The following SERPINA10 variants were observed in gnomAD, a reference collection of about 807,000 sequenced individuals.
SERPINA10 encodes protein Z-dependent protease inhibitor.
A neutral mutation model predicts 28.0 loss-of-function variants in SERPINA10; 24 were observed. The ratio of observed to expected loss-of-function variants is 0.86; its 90% CI spans 0.62 to 1.20. SERPINA10 has a LOEUF of 1.20. SERPINA10 is among the 50% of genes most tolerant of loss of function. SERPINA10 has a pLI of 0.00. For synonymous variants in SERPINA10, 207 were observed against 203.9 expected (o/e 1.02, Z -0.13); for missense variants, 521 against 537.7 (o/e 0.97, Z 0.31).
chr14:94,289,934 C>T lies in SERPINA10; in HGVS notation c.660G>A (p.Leu220=). Reference sequence around the variant, plus strand: ...TGGTTTCAGGATTAATCTCATCAAACAGTTTGGGAATTTTCCCCCGAGTCT... The same window carrying T: ...TGGTTTCAGGATTAATCTCATCAAATAGTTTGGGAATTTTCCCCCGAGTCT... ...NKETRGKIPK[L]FDEINPETKL... Residue 220 remains leucine (L), a synonymous_variant, in exon 2 of 5, where the codon CTG becomes CTA. Transcript: ENST00000261994. 6.2e-7 allele frequency: 1 copy of T among 1,614,096 alleles called. No individual in the cohort carries two copies. The highest frequency in any genetic ancestry group is 2.2e-5 in the East Asian group (1 of 44,876).
intron 1 of SERPINA10, among the ~76,000 whole-genome samples, chr14:94,292,254 G>A (rs1895196585): frequency 1.3e-5 from 2 of 152,142 alleles, no homozygotes; most frequent in South Asian, 4.1e-4. Flanking sequence ...GCTGTCATAA[G>A]AAGAGAGCAG....
In SERPINA10 at chr14:94,284,138, T is replaced by C. The variant is rs773811944; in HGVS notation, c.1162A>G (p.Ile388Val). The C allele has an allele frequency of 3.1e-6, 5 of 1,614,044 alleles. No homozygotes were observed. Among genetic ancestry groups the C allele is most frequent in the Non-Finnish European group, 4.2e-6 (5 of 1,179,992 alleles). The stretch of plus-strand genomic sequence containing the variant: ...TCAGTGCCCCTTTCATCAACTTCAA[T>C]CACTGTTCTTTGTAAAACCTGGAAA... ...QVSRVLQRTVIEVDERGTEAV... is the reference protein window; with the variant it reads ...QVSRVLQRTVVEVDERGTEAV... Residue 388 changes from isoleucine (I) to valine (V), a missense_variant, in exon 5 of 5, where the codon ATT becomes GTT. Physicochemically the swap from Ile to Val is conservative, Grantham distance 29. Coordinates refer to ENST00000261994, the MANE Select transcript of SERPINA10 (RefSeq NM_001100607.3).
At position 94,289,891 on chromosome 14, in the gene SERPINA10, A is replaced by G; in HGVS notation, c.703T>C (p.Tyr235His). 2 of 1,614,140 alleles carry G rather than the reference A, an allele frequency of 1.2e-6. No individual in the cohort carries two copies. Among genetic ancestry groups the G allele is most frequent in the Non-Finnish European group, 1.7e-6 (2 of 1,179,990 alleles). Reference sequence around the variant, plus strand: ...ATCAAAGTACCTTTGAACAAGATGTAATCCACAAGAATTAATTTGGTTTCA... The same window carrying G: ...ATCAAAGTACCTTTGAACAAGATGTGATCCACAAGAATTAATTTGGTTTCA... Reference protein sequence around the residue: ...NPETKLILVDYILFKGKWLTP... With the variant: ...NPETKLILVDHILFKGKWLTP... The change falls in exon 2 of 5, where the codon TAC becomes CAC. Residue 235 changes from tyrosine (Y) to histidine (H), a missense_variant. Physicochemically the swap from Tyr to His is moderately conservative, Grantham distance 83. Coordinates refer to ENST00000261994, the MANE Select transcript of SERPINA10 (RefSeq NM_001100607.3).
chr14:94,291,752 C>T (rs375863394), intron 1 of SERPINA10, among the ~76,000 whole-genome samples: 26 of 152,302 alleles, frequency 1.7e-4, no homozygotes, highest in African/African-American at 5.3e-4. Context: ...AGGTCACCTG[C>T]GGCAAAATGT....
intron 3 of SERPINA10, 24 bp downstream of exon 3, chr14:94,288,262 A>T (rs1472907585): frequency 3.7e-6 from 6 of 1,612,676 alleles, no homozygotes; most frequent in Non-Finnish European, 3.4e-6. Flanking sequence ...TAGAGTTTGT[A>T]TAGGGTGTGG....
intron 1 of SERPINA10, among the ~76,000 whole-genome samples, chr14:94,291,366 G>C (rs1895175461): frequency 6.6e-6 from 1 of 152,168 alleles, no homozygotes; most frequent in Admixed American, 6.5e-5. Context: ...ACTGTCCTAG[G>C]CTGCAGTGTG....
chr14:94,291,807 A>C, intron 1 of SERPINA10, among the ~76,000 whole-genome samples: 1 of 152,362 alleles, frequency 6.6e-6, no homozygotes, highest in African/African-American at 2.4e-5. Context: ...GCAGGGGCTG[A>C]GTCCTTATCT....
intron 2 of SERPINA10, among the ~76,000 whole-genome samples, 165 bp downstream of exon 2, chr14:94,289,711 C>T (rs1479796185): frequency 6.6e-6 from 1 of 152,208 alleles, no homozygotes; most frequent in Non-Finnish European, 1.5e-5. Flanking sequence ...CCTCAAATGA[C>T]AGCGTCTGGC....
rs1012621679 is a variant in SERPINA10, at chr14:94,282,085, T to C, written c.*1880A>G. On this transcript the variant is annotated 3_prime_UTR_variant, in exon 5 of 5. Coordinates refer to ENST00000261994, the MANE Select transcript of SERPINA10 (RefSeq NM_001100607.3). ...CTTCATAAGTGTCAATTAGTACTCT[T>C]GGAATGAATACAGGAATGAATTTTA... is the stretch of plus-strand genomic sequence containing the variant. 6.6e-6 allele frequency: 1 copy of C among 152,482 alleles called. No homozygotes were observed. The highest frequency in any genetic ancestry group is 2.4e-5 in the African/African-American group (1 of 41,422). The allele number at this position is 152,482 out of a possible 1,614,324, so 9.4% of individuals were successfully genotyped here. A position where few individuals can be genotyped will look rare whatever the true frequency, so the allele number is the denominator to read the frequency against.
intron 1 of SERPINA10, among the ~76,000 whole-genome samples, chr14:94,291,095 TTGGC>T (rs1214260065): frequency 6.6e-6 from 1 of 152,214 alleles, no homozygotes; most frequent in Non-Finnish European, 1.5e-5. Flanking sequence ...AGTGCCCTGT[TTGGC>T]TGGGGATTGG....
chr14:94,292,153 C>G (rs1440895048), intron 1 of SERPINA10, among the ~76,000 whole-genome samples: 2 of 152,180 alleles, frequency 1.3e-5, no homozygotes, highest in African/African-American at 4.8e-5. Context: ...AAGCCCGAAC[C>G]ACCATTGTGA....
Position 94,290,241 on chromosome 14 carries a change from C to A in SERPINA10, c.353G>T (p.Gly118Val). 1 of 1,614,040 alleles carries A rather than the reference C, an allele frequency of 6.2e-7. No individual in the cohort carries two copies. Among genetic ancestry groups the A allele is most frequent in the Non-Finnish European group, 8.5e-7 (1 of 1,179,912 alleles). Reference sequence around the variant, plus strand: ...TCTCTTGATCTGGGTTTCAGTCGGCCCTGTGGCCCCCAGCATCAAGCCTGT... The same window carrying A: ...TCTCTTGATCTGGGTTTCAGTCGGCACTGTGGCCCCCAGCATCAAGCCTGT... ...AMTGLMLGAT[G>V]PTETQIKRGL... The change falls in exon 2 of 5, where the codon GGG becomes GTG. Residue 118 changes from glycine to valine, a missense_variant. Gly to Val is a moderately radical substitution (Grantham distance 109). Coordinates refer to ENST00000261994, the MANE Select transcript of SERPINA10 (RefSeq NM_001100607.3).
intron 3 of SERPINA10, among the ~76,000 whole-genome samples, chr14:94,287,472 C>A (rs982089588): frequency 1.3e-5 from 2 of 152,224 alleles, no homozygotes; most frequent in Non-Finnish European, 2.9e-5. Context: ...ACTACCACCA[C>A]CGCAGTCCAG....
Position 94,283,513 on chromosome 14 carries a change from C to A in SERPINA10, c.*452G>T. The A allele has an allele frequency of 4.8e-6, 1 of 209,516 alleles. No homozygotes were observed. Among genetic ancestry groups the A allele is most frequent in the Non-Finnish European group, 9.6e-6 (1 of 103,862 alleles). The allele number at this position is 209,516 out of a possible 1,614,324, so 13.0% of individuals were successfully genotyped here. ...GAATCTTGCATTGTCCTGCTCTGTCCCACCCAGGATGTGAATTCTCCCCTT... is the reference window on the plus strand; with the variant it reads ...GAATCTTGCATTGTCCTGCTCTGTCACACCCAGGATGTGAATTCTCCCCTT... On this transcript the variant is annotated 3_prime_UTR_variant, in exon 5 of 5. Coordinates refer to ENST00000261994, the MANE Select transcript of SERPINA10 (RefSeq NM_001100607.3).
chr14:94,291,497 C>A (rs535359780), intron 1 of SERPINA10, among the ~76,000 whole-genome samples: 1 of 152,262 alleles, frequency 6.6e-6, no homozygotes, highest in African/African-American at 2.4e-5. Context: ...AAATACATGG[C>A]TTGGGACTGG....
chr14:94,290,068 C>A lies in SERPINA10; in HGVS notation c.526G>T (p.Glu176Ter). Residue 176 changes from glutamate (E) to a stop codon, truncating the protein, a stop_gained, in exon 2 of 5, where the codon GAG (glutamate) becomes TAG (stop). Transcript: ENST00000261994. LOFTEE classifies it high-confidence loss of function. Reference sequence around the variant, plus strand: ...CTCTTGGATAAATTGAAGAAAGTCTCTTTGACATCAAAATCCTTGTGGATG... The same window carrying A: ...CTCTTGGATAAATTGAAGAAAGTCTATTTGACATCAAAATCCTTGTGGATG... ...AFIHKDFDVKETFFNLSKRYF... is the reference protein window; with the variant it reads ...AFIHKDFDVK The A allele has an allele frequency of 6.2e-7, 1 of 1,614,248 alleles. No individual in the cohort carries two copies. The highest frequency in any genetic ancestry group is 8.5e-7 in the Non-Finnish European group (1 of 1,180,038).
At position 94,290,170 on chromosome 14, in the gene SERPINA10, G is replaced by C. The variant is rs375354725; in HGVS notation, c.424C>G (p.Pro142Ala). 3.2e-5 allele frequency: 51 copies of C among 1,614,000 alleles called. No homozygotes were observed. In the East Asian group the frequency reaches 3.6e-4, roughly 11 times the overall value. The part of the protein sequence containing the change: ...ALKPTKPGLL[P>A]SLFKGLRETL... ...TCTCTGAGTCCCTTAAAGAGGGAAG[G>C]CAGGAGCCCGGGCTTGGTGGGCTTC... Residue 142 changes from proline to alanine, a missense_variant, in exon 2 of 5, where the codon CCT (proline) becomes GCT (alanine). Physicochemically the swap from Pro to Ala is conservative, Grantham distance 27. Coordinates refer to ENST00000261994, the MANE Select transcript of SERPINA10 (RefSeq NM_001100607.3).
At chr14:94,289,090 ACT>A (rs1388609347) in intron 2 of SERPINA10, among the ~76,000 whole-genome samples, 1 of 152,080 alleles carries the variant, frequency 6.6e-6, no homozygotes, top group African/African-American at 2.4e-5. Flanking sequence ...CAGGTACATT[ACT>A]CTCTACATAA....
Position 94,283,937 on chromosome 14 carries a change from A to C in SERPINA10, c.*28T>G. 6.2e-7 allele frequency: 1 copy of C among 1,609,322 alleles called. No homozygotes were observed. On this transcript the variant is annotated 3_prime_UTR_variant, in exon 5 of 5. Transcript: ENST00000261994. ...ATACCTCAGATTCAGCATCTACTAC[A>C]GCACGAAGTGCTTATGCGTGTCCTG...
Sources: allele counts gnomAD v4.1 joint callset (sites outside exome capture counted in the v4.1 genomes callset), GRCh38; gene constraint gnomAD v4.1.1; transcripts MANE v1.5; gene names NCBI Gene and HGNC (gene_info 2026-07-23, HGNC 2026-07-21).